Variants in ABCA12 observed in about 807,000 individuals in gnomAD.
ABCA12 encodes ATP binding cassette subfamily A member 12.
A neutral mutation model predicts 293.5 loss-of-function variants in ABCA12; 156 were observed. That is an observed-to-expected ratio of 0.53 (90% CI 0.47 to 0.61). The LOEUF (loss-of-function observed/expected upper bound fraction) is 0.61, where lower values mean the gene tolerates loss of function less well. Ranked by LOEUF, ABCA12 falls within the 20% of genes least tolerant of loss-of-function variation. ABCA12 has a pLI of 0.00. For synonymous variants in ABCA12, 1,063 were observed against 1,108.0 expected (o/e 0.96, Z 0.81); for missense variants, 2,797 against 3,090.2 (o/e 0.91, Z 2.25).
Position 214,980,605 on chromosome 2 carries a change from C to A in ABCA12, c.4618G>T (p.Ala1540Ser), listed in dbSNP as rs771394858. ...GCGATGCGGTCACTCAGCACTTCAGCCTCGTCCAAGTGGTGCGTTGACAGA... is the reference window on the plus strand; with the variant it reads ...GCGATGCGGTCACTCAGCACTTCAGACTCGTCCAAGTGGTGCGTTGACAGA... The part of the protein sequence containing the change: ...IILSTHHLDE[A>S]EVLSDRIAFL... Residue 1540 changes from alanine to serine, a missense_variant, in exon 31 of 53, where the codon GCT becomes TCT. Around this residue, in one of 3 missense-constraint regions of ABCA12, gnomAD observed 2,130 missense variants for 2,427.0 expected, o/e 0.88. Coordinates refer to ENST00000272895, the MANE Select transcript of ABCA12 (RefSeq NM_173076.3). 4.2e-5 allele frequency: 68 copies of A among 1,613,960 alleles called. 2 individuals carry two copies. The Middle Eastern group carries it at 1.8e-3, about 43-fold the overall frequency.
At chr2:215,095,647 T>C (rs527958161) in intron 2 of ABCA12, among the ~76,000 whole-genome samples, 5 of 152,264 alleles carry the variant, frequency 3.3e-5, no homozygotes, top group African/African-American at 9.6e-5. Flanking sequence ...GTTTTTCCTA[T>C]TAATATAAGA....
At chr2:214,975,729 C>T (rs1421022631) in intron 34 of ABCA12, 56 bp downstream of exon 34, 2 of 1,609,808 alleles carry the variant, frequency 1.2e-6, no homozygotes, top group African/African-American at 2.7e-5. Flanking sequence ...TCAGGTACAA[C>T]CACACTCCTG....
intron 13 of ABCA12, 71 bp downstream of exon 13, chr2:215,019,265 T>C: frequency 6.9e-7 from 1 of 1,444,534 alleles, no homozygotes; most frequent in Non-Finnish European, 9.7e-7. Flanking sequence ...CAAAAAAGCT[T>C]TCTTAAACTG....
intron 2 of ABCA12, among the ~76,000 whole-genome samples, chr2:215,075,955 G>A (rs568969673): frequency 1.2e-4 from 18 of 152,278 alleles, no homozygotes; most frequent in African/African-American, 2.9e-4. Context: ...CGGGATGCTC[G>A]AAGTCTGGTT....
chr2:215,119,181 G>A (rs968089479), intron 1 of ABCA12, among the ~76,000 whole-genome samples: 6 of 152,130 alleles, frequency 3.9e-5, no homozygotes, highest in Non-Finnish European at 7.4e-5. Context: ...ATGTTGACCA[G>A]GCTGGTCTTG....
At chr2:214,997,969 A>C (rs946433825) in intron 22 of ABCA12, among the ~76,000 whole-genome samples, 160 bp from the exon 23 acceptor site, 1 of 152,114 alleles carries the variant, frequency 6.6e-6, no homozygotes, top group African/African-American at 2.4e-5. Context: ...ACGAAGCATG[A>C]AGCTGATTTA....
chr2:214,943,880 T>A (rs1360666828), intron 49 of ABCA12, among the ~76,000 whole-genome samples: 1 of 152,242 alleles, frequency 6.6e-6, no homozygotes, highest in Non-Finnish European at 1.5e-5. Flanking sequence ...AACTATGATA[T>A]AAACAAGTCT....
At chr2:215,014,156 G>A (rs1180845501) in intron 15 of ABCA12, among the ~76,000 whole-genome samples, 1 of 144,164 alleles carries the variant, frequency 6.9e-6, no homozygotes, top group East Asian at 2.0e-4. Context: ...GCTCCAGTCT[G>A]GGTGGCAGAG....
At chr2:215,087,193 C>T (rs756967807) in intron 2 of ABCA12, among the ~76,000 whole-genome samples, 2 of 152,106 alleles carry the variant, frequency 1.3e-5, no homozygotes, top group Non-Finnish European at 2.9e-5. Context: ...GCACCCACCT[C>T]GGCCTTCCAA....
intron 15 of ABCA12, among the ~76,000 whole-genome samples, chr2:215,012,754 A>G (rs1421997061): frequency 1.3e-5 from 2 of 152,174 alleles, no homozygotes; most frequent in Non-Finnish European, 2.9e-5. Flanking sequence ...AAAATCATTG[A>G]GTTAATCACG....
chr2:215,085,174 G>A lies in ABCA12; in HGVS notation c.164-20955C>T, dbSNP rs572547124. ...GAGTGAATGATTGATACAGTTCTTCGTGCCTGTGTAAGAAGCTTTTGCTAT... is the reference window on the plus strand; with the variant it reads ...GAGTGAATGATTGATACAGTTCTTCATGCCTGTGTAAGAAGCTTTTGCTAT... On this transcript the variant is annotated intron_variant, in intron 2 of 52. Coordinates refer to ENST00000272895, the MANE Select transcript of ABCA12 (RefSeq NM_173076.3). 7.4e-4 allele frequency among the ~76,000 whole-genome samples: 112 copies of A among 151,510 alleles called. 1 individual carries two copies. The highest frequency in any genetic ancestry group is 2.6e-3 in the African/African-American group (109 of 41,300).
chr2:215,013,785 C>T (rs1700427968), intron 15 of ABCA12, among the ~76,000 whole-genome samples: 1 of 152,194 alleles, frequency 6.6e-6, no homozygotes, highest in South Asian at 2.1e-4. Flanking sequence ...GTATTTGCTT[C>T]ATTTCCCTAT....
chr2:214,980,397 G>T, intron 31 of ABCA12, 86 bp downstream of exon 31: 1 of 1,546,770 alleles, frequency 6.5e-7, no homozygotes, highest in South Asian at 1.1e-5. Flanking sequence ...TTTTAGCAAT[G>T]AATAAAGTTG....
intron 8 of ABCA12, among the ~76,000 whole-genome samples, chr2:215,033,763 C>A (rs547205678): frequency 3.2e-4 from 49 of 151,876 alleles, no homozygotes; most frequent in African/African-American, 1.2e-3. Flanking sequence ...AACACGGTGA[C>A]ACCCCGTCTC....
In ABCA12 at chr2:215,138,608, AAATT is replaced by A. The variant is rs1703283396; in HGVS notation, c.-404_-401del. Reference sequence around the variant, plus strand: ...GAACCCACACCTCCTACTCTCCATGAAATTAATTGCCTATCCACACCTTAGAGAA... The same window carrying A: ...GAACCCACACCTCCTACTCTCCATGAAATTGCCTATCCACACCTTAGAGAA... On this transcript the variant is annotated 5_prime_UTR_variant, in exon 1 of 53. Transcript: ENST00000272895. 6.6e-6 allele frequency among the ~76,000 whole-genome samples: 1 copy of A among 151,460 alleles called. No individual in the cohort carries two copies. Among genetic ancestry groups the A allele is most frequent in the African/African-American group, 2.4e-5 (1 of 41,250 alleles).
At chr2:215,046,270 A>C (rs1176354884) in intron 6 of ABCA12, among the ~76,000 whole-genome samples, 1 of 151,782 alleles carries the variant, frequency 6.6e-6, no homozygotes, top group African/African-American at 2.4e-5. Flanking sequence ...ATTTATATAA[A>C]ATATTTCAAA....
intron 39 of ABCA12, chr2:214,961,673 T>A (rs1390640569): frequency 6.6e-6 from 1 of 152,154 alleles, no homozygotes; most frequent in Non-Finnish European, 1.5e-5. Flanking sequence ...CCAGTAGTAT[T>A]TCACACCGGT....
At chr2:214,947,379 G>A in intron 48 of ABCA12, 43 bp downstream of exon 48, 2 of 1,610,848 alleles carry the variant, frequency 1.2e-6, no homozygotes, top group Admixed American at 1.7e-5. Context: ...CAGATATGCT[G>A]TTCTAATTAT....
chr2:215,092,465 G>A (rs1003056329), intron 2 of ABCA12, among the ~76,000 whole-genome samples: 4 of 151,632 alleles, frequency 2.6e-5, no homozygotes, highest in East Asian at 1.9e-4. Context: ...TGTATCCCCC[G>A]ACCTTAACCC....
Sources: gnomAD v4.1 joint callset for allele counts (sites outside exome capture counted in the v4.1 genomes callset) on GRCh38, gnomAD v4.1.1 for gene constraint, gnomAD v4.1.1 regional missense constraint, MANE v1.5 for transcripts, NCBI Gene and HGNC (gene_info 2026-07-23, HGNC 2026-07-21) for gene names.